Variants in POTEJ observed in about 807,000 individuals in gnomAD.
The protein encoded by POTEJ is POTE ankyrin domain family member J, also known as POTE ankyrin domain family, member J.
In POTEJ, 11 loss-of-function variants were observed where a neutral mutation model predicts 69.0. The observed-to-expected ratio is 0.16, with a 90% CI of 0.10 to 0.26. The LOEUF (loss-of-function observed/expected upper bound fraction) is 0.26. POTEJ is among the 10% of genes least tolerant of loss of function. The pLI, the probability that POTEJ is intolerant of heterozygous loss-of-function variation, is 1.00. For missense variants in POTEJ, 327 were observed against 1,045.5 expected, an observed-to-expected ratio of 0.31 and a Z score of 9.48; for synonymous variants, 117 against 381.1, an observed-to-expected ratio of 0.31 and a Z score of 8.07.
At position 130,632,759 on chromosome 2, in the gene POTEJ, A is replaced by C; in HGVS notation, c.1298+103A>C. 2.3e-6 allele frequency: 3 copies of C among 1,292,126 alleles called. No individual in the cohort carries two copies. The African/African-American group carries it at 5.0e-5, about 22-fold the overall frequency. The allele number at this position is 1,292,126 out of a possible 1,614,324, so 80.0% of individuals were successfully genotyped here. Reference sequence around the variant, plus strand: ...GAACAAATTTTATAGTTTTACTAGGATATTCAGCCTTGCCCATTAATCAGA... The same window carrying C: ...GAACAAATTTTATAGTTTTACTAGGCTATTCAGCCTTGCCCATTAATCAGA... On this transcript the variant is annotated intron_variant, in intron 9 of 14. Transcript: ENST00000409602.
intron 13 of POTEJ, among the ~76,000 whole-genome samples, chr2:130,652,207 G>GCTTCCC (rs954784020): frequency 1.5e-5 from 2 of 135,310 alleles, no homozygotes; most frequent in East Asian, 2.2e-4. Flanking sequence ...GAAGGTGCCT[G>GCTTCCC]CTTCCCCTTC....
intron 13 of POTEJ, among the ~76,000 whole-genome samples, chr2:130,650,099 A>G (rs1193832813): frequency 2.0e-5 from 3 of 152,268 alleles, no homozygotes; most frequent in African/African-American, 7.2e-5. Context: ...GGAACATACC[A>G]GGGATGCTCT....
intron 13 of POTEJ, among the ~76,000 whole-genome samples, chr2:130,650,251 A>G (rs1487949460): frequency 6.6e-6 from 1 of 152,282 alleles, no homozygotes; most frequent in South Asian, 2.1e-4. Flanking sequence ...TCTTTGTATT[A>G]AAGAAAAATC....
At chr2:130,647,131 G>A (rs114329296) in intron 13 of POTEJ, among the ~76,000 whole-genome samples, 2,800 of 150,148 alleles carry the variant, frequency 0.019, 135 homozygotes, top group African/African-American at 0.065. Context: ...AATGTATTAT[G>A]CAACCATTTT....
intron 10 of POTEJ, among the ~76,000 whole-genome samples, chr2:130,639,363 A>G (rs1396861268): frequency 2.7e-4 from 41 of 152,286 alleles, no homozygotes; most frequent in Non-Finnish European, 4.7e-4. Context: ...TCTCACTATT[A>G]CTGACTTCAT....
Position 130,640,613 on chromosome 2 carries a change from C to T in POTEJ, c.1369+1924C>T, listed in dbSNP as rs557104821. Among the ~76,000 whole-genome samples the T allele has an allele frequency of 1.4e-4, 22 of 151,968 alleles. No homozygotes were observed. In the South Asian group the frequency reaches 4.3e-3, roughly 30 times the overall value. On this transcript the variant is annotated intron_variant, in intron 10 of 14. Coordinates refer to ENST00000409602, the MANE Select transcript of POTEJ (RefSeq NM_001277083.2). ...AGCAGCTCCAAACATCTTGTTCTCA[C>T]AACACAACATCGCAAGGGCTGCTTT...
intron 1 of POTEJ, among the ~76,000 whole-genome samples, chr2:130,614,522 G>C (rs1191203197): frequency 6.7e-6 from 1 of 149,596 alleles, no homozygotes; most frequent in Admixed American, 6.6e-5. Context: ...GACGTGCAAA[G>C]ATGTACTTTG....
Position 130,657,104 on chromosome 2 carries a change from A to T in POTEJ, c.2344A>T (p.Met782Leu), listed in dbSNP as rs763146288. 1.1e-5 allele frequency: 18 copies of T among 1,574,106 alleles called. No individual in the cohort carries two copies. The Admixed American group carries it at 3.1e-4, about 27-fold the overall frequency. ...PLNPKANREK[M>L]TQIMFETFNT... ...GAACCCCAAGGCCAACCGCGAGAAG[A>T]TGACCCAGATCATGTTTGAGACCTT... Residue 782 changes from methionine (M) to leucine (L), a missense_variant, in exon 15 of 15, where the codon ATG becomes TTG. Physicochemically the swap from Met to Leu is conservative, Grantham distance 15. Coordinates refer to ENST00000409602, the MANE Select transcript of POTEJ (RefSeq NM_001277083.2).
intron 6 of POTEJ, among the ~76,000 whole-genome samples, chr2:130,625,081 A>T (rs1188756954): frequency 6.6e-6 from 1 of 152,184 alleles, no homozygotes; most frequent in Non-Finnish European, 1.5e-5. Context: ...TATATAGTCC[A>T]AACTGTATGA....
intron 1 of POTEJ, among the ~76,000 whole-genome samples, chr2:130,614,192 A>G (rs1173366893): frequency 6.6e-6 from 1 of 152,230 alleles, no homozygotes; most frequent in Admixed American, 6.5e-5. Context: ...AAGGAATGAA[A>G]TACTGTTTTC....
At chr2:130,618,774 C>CT (rs1204750696) in intron 3 of POTEJ, among the ~76,000 whole-genome samples, 2,135 of 32,390 alleles carry the variant, frequency 0.066, 196 homozygotes, top group African/African-American at 0.19. Flanking sequence ...ATTAATCTGA[C>CT]TTTTTTTTTT....
intron 13 of POTEJ, among the ~76,000 whole-genome samples, chr2:130,650,028 G>A (rs752775829): frequency 1.3e-5 from 2 of 152,250 alleles, no homozygotes; most frequent in Admixed American, 6.5e-5. Flanking sequence ...GAGATAATGA[G>A]GACTAACAGA....
At chr2:130,627,743 AGTACCAG>A in intron 6 of POTEJ, among the ~76,000 whole-genome samples, 1 of 136,100 alleles carries the variant, frequency 7.3e-6, no homozygotes, top group East Asian at 2.0e-4. Flanking sequence ...CTTGAGAGTG[AGTACCAG>A]GATTATAGTT....
intron 1 of POTEJ, among the ~76,000 whole-genome samples, chr2:130,614,640 T>A (rs560098047): frequency 7.2e-6 from 1 of 139,596 alleles, no homozygotes; most frequent in South Asian, 2.1e-4. Flanking sequence ...TTTCTGGGGA[T>A]TTGTAAGTGA....
chr2:130,636,470 T>A (rs1686095698), intron 9 of POTEJ, among the ~76,000 whole-genome samples: 1 of 145,976 alleles, frequency 6.9e-6, no homozygotes, highest in Non-Finnish European at 1.5e-5. Context: ...ATAAAAGGTT[T>A]TTTGTATTAG....
In POTEJ at chr2:130,636,807, C is replaced by T. The variant is rs565407936; in HGVS notation, c.1299-1812C>T. ...TGATTCTCACTTTAAAAATGTTTGACGTAGGTCGGGCATGGTGGCTCACAC... is the reference window on the plus strand; with the variant it reads ...TGATTCTCACTTTAAAAATGTTTGATGTAGGTCGGGCATGGTGGCTCACAC... On this transcript the variant is annotated intron_variant, in intron 9 of 14. Coordinates refer to ENST00000409602, the MANE Select transcript of POTEJ (RefSeq NM_001277083.2). 4.1e-5 allele frequency among the ~76,000 whole-genome samples: 6 copies of T among 147,820 alleles called. No individual in the cohort carries two copies. In the South Asian group the frequency reaches 8.5e-4, roughly 21 times the overall value.
intron 1 of POTEJ, among the ~76,000 whole-genome samples, chr2:130,612,699 C>A (rs1685256687): frequency 8.1e-6 from 1 of 123,332 alleles, no homozygotes; most frequent in African/African-American, 3.1e-5. Context: ...GGAGGCGGAG[C>A]TTGCAGTGAG....
At chr2:130,625,153 T>C (rs1485121633) in intron 6 of POTEJ, among the ~76,000 whole-genome samples, 3 of 152,284 alleles carry the variant, frequency 2.0e-5, no homozygotes, top group African/African-American at 4.8e-5. Flanking sequence ...TTTTATAAGT[T>C]GCAGGAGACA....
Position 130,622,732 on chromosome 2 carries a change from GA to G in POTEJ, c.944+1131del, listed in dbSNP as rs1685581194. ...AATATTTTCAAACTCTAGCTCACAG[GA>G]AGCCATTGAAGAGAATTCTCAGAAT... On this transcript the variant is annotated intron_variant, in intron 5 of 14. Coordinates refer to ENST00000409602, the MANE Select transcript of POTEJ (RefSeq NM_001277083.2). The G allele has an allele frequency of 2.6e-5, 4 of 151,126 alleles. No homozygotes were observed. In the South Asian group the frequency reaches 8.3e-4, roughly 31 times the overall value. 9.4% of individuals were successfully genotyped at this position (151,126 alleles called of 1,614,324 possible). A position where few individuals can be genotyped will look rare whatever the true frequency, so the allele number is the denominator to read the frequency against.
Sources: gnomAD v4.1 joint callset for allele counts (sites outside exome capture counted in the v4.1 genomes callset) on GRCh38, gnomAD v4.1.1 for gene constraint, MANE v1.5 for transcripts, NCBI Gene and HGNC (gene_info 2026-07-23, HGNC 2026-07-21) for gene names.